The following BOC variants were observed in gnomAD, a reference collection of about 807,000 sequenced individuals.
The protein encoded by BOC is brother of CDO.
BOC carries 76 observed loss-of-function variants against 112.0 expected under a neutral mutation model. The ratio of observed to expected loss-of-function variants is 0.68; its 90% confidence interval spans 0.56 to 0.82. The LOEUF (loss-of-function observed/expected upper bound fraction) is 0.82. BOC is among the 40% of genes least tolerant of loss of function. The probability of loss-of-function intolerance (pLI) is 0.00; values close to 1 mark genes in which losing one functional copy is unlikely to be tolerated. For synonymous variants in BOC, 580 were observed against 599.8 expected, an observed-to-expected ratio of 0.97 and a Z score of 0.48; for missense variants, 1,309 against 1,511.7, an observed-to-expected ratio of 0.87 and a Z score of 2.22.
intron 2 of BOC, among the ~76,000 whole-genome samples, chr3:113,228,359 A>G (rs1942020604): frequency 6.6e-6 from 1 of 152,096 alleles, no homozygotes; most frequent in South Asian, 2.1e-4. Context: ...GATTAGGAGT[A>G]CAGGGCTCCT....
At chr3:113,271,303 A>G in intron 6 of BOC, 1 of 466,290 alleles carries the variant, frequency 2.1e-6, no homozygotes, top group Non-Finnish European at 4.2e-6. Context: ...CCTAGAACAG[A>G]TGGCCACGTG....
chr3:113,247,500 GA>G (rs58781225), intron 2 of BOC, among the ~76,000 whole-genome samples: 70 of 125,768 alleles, frequency 5.6e-4, no homozygotes, highest in African/African-American at 1.4e-3. Flanking sequence ...GCCCTGATAG[GA>G]AAAAAAAAAA....
At chr3:113,224,581 G>A (rs76064959) in intron 2 of BOC, among the ~76,000 whole-genome samples, 3 of 151,678 alleles carry the variant, frequency 2.0e-5, no homozygotes, top group African/African-American at 2.4e-5. Context: ...GGGGTGGGGG[G>A]TCACGTGGAC....
intron 4 of BOC, among the ~76,000 whole-genome samples, chr3:113,260,658 A>T (rs1342101526): frequency 1.6e-5 from 2 of 123,386 alleles, no homozygotes; most frequent in East Asian, 4.4e-4. Context: ...AGATTCTATT[A>T]GAATAGAATA....
intron 2 of BOC, among the ~76,000 whole-genome samples, chr3:113,229,294 T>C (rs1026720218): frequency 6.6e-6 from 1 of 152,254 alleles, no homozygotes; most frequent in Non-Finnish European, 1.5e-5. Flanking sequence ...GCTGTTCTAC[T>C]TCTCAGTGAT....
intron 15 of BOC, 38 bp from the exon 16 acceptor site, chr3:113,283,373 G>A (rs369692304): frequency 1.4e-4 from 207 of 1,530,592 alleles, no homozygotes; most frequent in Non-Finnish European, 1.8e-4. Flanking sequence ...AAATATCAAA[G>A]AAACATATGC....
rs1272419375 is a variant in BOC, at chr3:113,274,280, CTCTCTG to C, written c.1235-91_1235-86del. 7.8e-7 allele frequency: 1 copy of C among 1,281,244 alleles called. No individual in the cohort carries two copies. The highest frequency in any genetic ancestry group is 1.0e-6 in the Non-Finnish European group (1 of 956,200). The allele number at this position is 1,281,244 out of a possible 1,614,324, so 79.4% of individuals were successfully genotyped here. A position where few individuals can be genotyped will look rare whatever the true frequency, so the allele number is the denominator to read the frequency against. On this transcript the variant is annotated intron_variant, in intron 8 of 19. Coordinates refer to ENST00000682979, the MANE Select transcript of BOC (RefSeq NM_001378074.1). This position sits in a 1 kb window ranked among gnomAD's most constrained non-coding sequence, Gnocchi z 4.8. ...ACAGCTGATGGTGGGCCCAGGTTGC[CTCTCTG>C]TCTTCTTTCTGTTTTCTCCCCAGGA... is the stretch of plus-strand genomic sequence containing the variant.
chr3:113,255,546 A>G (rs1946139969), intron 4 of BOC, among the ~76,000 whole-genome samples: 1 of 152,230 alleles, frequency 6.6e-6, no homozygotes, highest in African/African-American at 2.4e-5. Flanking sequence ...GTAGCTGGAA[A>G]TAAAACAGGT....
chr3:113,250,545 C>T lies in BOC; in HGVS notation c.98-10C>T. The T allele has an allele frequency of 6.2e-7, 1 of 1,600,946 alleles. No homozygotes were observed. The highest frequency in any genetic ancestry group is 8.5e-7 in the Non-Finnish European group (1 of 1,173,520). The stretch of plus-strand genomic sequence containing the variant: ...ATCAGTTCATTGCTGCATCCCTGTT[C>T]TTCCTCCAGACGAGGTCCCTCAGGT... On this transcript the variant is annotated splice_polypyrimidine_tract_variant and intron_variant, in intron 3 of 19. Transcript: ENST00000682979.
At chr3:113,252,894 G>T (rs564358596) in intron 4 of BOC, among the ~76,000 whole-genome samples, 243 of 152,288 alleles carry the variant, frequency 1.6e-3, no homozygotes, top group African/African-American at 5.4e-3. Context: ...AGCTGTGCTT[G>T]TTGGGCGGGG....
At chr3:113,260,682 C>T (rs966473293) in intron 4 of BOC, among the ~76,000 whole-genome samples, 26 of 119,574 alleles carry the variant, frequency 2.2e-4, no homozygotes, top group African/African-American at 9.6e-4. Context: ...CAGAACAGAA[C>T]AGAACAGAAC....
chr3:113,219,282 A>G (rs550143897), intron 2 of BOC, among the ~76,000 whole-genome samples: 17 of 152,222 alleles, frequency 1.1e-4, no homozygotes, highest in Non-Finnish European at 2.2e-4. Context: ...TTGGTTTGTC[A>G]GTGCCAAAGA....
intron 3 of BOC, 129 bp from the exon 4 acceptor site, chr3:113,250,426 A>G: frequency 1.2e-5 from 12 of 1,031,210 alleles, no homozygotes; most frequent in Admixed American, 2.6e-5. Context: ...CAAGAGCAGT[A>G]GAGTCGGAGA....
chr3:113,258,857 G>GAAAGATGGCTGAGATCTA (rs1171666326), intron 4 of BOC, among the ~76,000 whole-genome samples: 1 of 141,832 alleles, frequency 7.1e-6, no homozygotes, highest in Middle Eastern at 3.3e-3. Flanking sequence ...GAAAATTATT[G>GAAAGATGGCTGAGATCTA]AAAGATGGCT....
rs565134733 is a variant in BOC at position 113,277,319 on chromosome 3, C to T, written c.1543-776C>T. ...ATAACCTGAGAGAGTTTATTTGCCT[C>T]ATTGGTGAAATGCAGAGCTGAAGGG... On this transcript the variant is annotated intron_variant, in intron 9 of 19. Coordinates refer to ENST00000682979, the MANE Select transcript of BOC (RefSeq NM_001378074.1). Among the ~76,000 whole-genome samples, 4 of 152,212 alleles carry T rather than the reference C, an allele frequency of 2.6e-5. No individual in the cohort carries two copies. In the South Asian group the frequency reaches 8.3e-4, roughly 32 times the overall value.
rs185110692 is a variant in BOC, at chr3:113,282,927, G to C, written c.2435-484G>C. ...TCTGAATTGGCATCTCACATGTACT[G>C]TGTGTCCTCGTGAGTCCGGGAACAC... On this transcript the variant is annotated intron_variant, in intron 15 of 19. Transcript: ENST00000682979. Among the ~76,000 whole-genome samples the C allele has an allele frequency of 5.3e-5, 8 of 152,264 alleles. 1 individual carries two copies. The highest frequency in any genetic ancestry group is 1.9e-4 in the African/African-American group (8 of 41,550).
chr3:113,224,738 C>A (rs968939119), intron 2 of BOC, among the ~76,000 whole-genome samples: 2 of 152,124 alleles, frequency 1.3e-5, no homozygotes, highest in Non-Finnish European at 2.9e-5. Context: ...GCAGGCAGAC[C>A]TCTTGAGGCC....
chr3:113,226,624 T>C (rs188308711), intron 2 of BOC, among the ~76,000 whole-genome samples: 1 of 152,184 alleles, frequency 6.6e-6, no homozygotes, highest in Non-Finnish European at 1.5e-5. Context: ...AAAATGCCAG[T>C]GTTAATACCC....
At chr3:113,234,832 G>A (rs1035894576) in intron 2 of BOC, among the ~76,000 whole-genome samples, 10 of 152,140 alleles carry the variant, frequency 6.6e-5, no homozygotes, top group Non-Finnish European at 1.0e-4. Flanking sequence ...TGGATGATTC[G>A]GGGGAAATTC....
Sources: allele counts gnomAD v4.1 joint callset (sites outside exome capture counted in the v4.1 genomes callset), GRCh38; gene constraint gnomAD v4.1.1; non-coding constraint Gnocchi (gnomAD v3.1); transcripts MANE v1.5; gene names NCBI Gene and HGNC (gene_info 2026-07-23, HGNC 2026-07-21).